Variants in CALN1 observed in about 807,000 individuals in gnomAD.
CALN1 encodes the protein calcium-binding protein 8.
A neutral mutation model predicts 30.6 loss-of-function variants in CALN1; 17 were observed. The ratio of observed to expected loss-of-function variants is 0.56; its 90% CI spans 0.38 to 0.83. The LOEUF is 0.83. Among genes scored for constraint, CALN1 ranks in the 40% least tolerant of loss-of-function variants. The pLI is 0.00. For missense variants in CALN1, 291 were observed against 354.9 expected (o/e 0.82, Z 1.45); for synonymous variants, 156 against 131.4 (o/e 1.19, Z -1.28).
intron 1 of CALN1, among the ~76,000 whole-genome samples, chr7:72,435,853 C>A (rs1808139763): frequency 6.6e-6 from 1 of 152,136 alleles, no homozygotes; most frequent in Admixed American, 6.5e-5. Context: ...TAATAACCTG[C>A]CAGAGACACA....
chr7:72,393,394 G>A (rs1294497324), intron 2 of CALN1, among the ~76,000 whole-genome samples: 1 of 152,154 alleles, frequency 6.6e-6, no homozygotes, highest in East Asian at 1.9e-4. Context: ...AACCTGGGAG[G>A]CAGAGCTTGC....
At chr7:72,074,692 G>A (rs567011665) in intron 4 of CALN1, among the ~76,000 whole-genome samples, 5 of 152,258 alleles carry the variant, frequency 3.3e-5, no homozygotes, top group East Asian at 1.9e-4. Flanking sequence ...ACAGGCTTAA[G>A]CCACTGCACC....
intron 2 of CALN1, among the ~76,000 whole-genome samples, chr7:72,305,090 T>A (rs1799559230): frequency 6.6e-6 from 1 of 152,114 alleles, no homozygotes; most frequent in Non-Finnish European, 1.5e-5. Flanking sequence ...AGAGCCTGGG[T>A]TGGAACCCTT....
chr7:72,397,198 A>G (rs1806019452), intron 2 of CALN1, among the ~76,000 whole-genome samples: 1 of 152,158 alleles, frequency 6.6e-6, no homozygotes. Context: ...ATCATAAGCC[A>G]TCATACTCAA....
chr7:71,791,958 C>A (rs1457643222), intron 6 of CALN1, among the ~76,000 whole-genome samples: 4 of 152,026 alleles, frequency 2.6e-5, no homozygotes, highest in Non-Finnish European at 4.4e-5. Flanking sequence ...TTGCAGTGAG[C>A]CGAGATCGCG....
chr7:72,084,089 G>A (rs895152435), intron 4 of CALN1, among the ~76,000 whole-genome samples: 5 of 151,928 alleles, frequency 3.3e-5, no homozygotes, highest in Admixed American at 2.6e-4. Flanking sequence ...TGCACCTGTA[G>A]TCCCAGCTAC....
intron 3 of CALN1, among the ~76,000 whole-genome samples, chr7:72,148,133 A>C (rs60518650): frequency 3.2e-3 from 468 of 144,300 alleles, no homozygotes; most frequent in South Asian, 5.9e-3. Context: ...AACCAACCAA[A>C]CAAACAAACA....
chr7:72,326,018 C>CA (rs1169095117), intron 2 of CALN1, among the ~76,000 whole-genome samples: 2 of 152,134 alleles, frequency 1.3e-5, no homozygotes, highest in East Asian at 1.9e-4. Flanking sequence ...TCTCCTGCCT[C>CA]AAGCCTTCTG....
intron 5 of CALN1, among the ~76,000 whole-genome samples, chr7:71,862,374 T>C (rs760934518): frequency 1.3e-5 from 2 of 152,200 alleles, no homozygotes; most frequent in African/African-American, 2.4e-5. Context: ...AACTGAATCA[T>C]GGAGGCAGGT....
intron 5 of CALN1, among the ~76,000 whole-genome samples, chr7:71,892,799 G>C (rs1408334978): frequency 2.6e-5 from 4 of 152,064 alleles, no homozygotes; most frequent in African/African-American, 4.8e-5. Flanking sequence ...TTCACATTTT[G>C]TATGTTCTGA....
At chr7:72,447,355 A>G (rs1226282342), upstream of CALN1, among the ~76,000 whole-genome samples, 1 of 152,052 alleles carries the variant, frequency 6.6e-6, no homozygotes, top group Non-Finnish European at 1.5e-5. Flanking sequence ...GAAGGTGGAA[A>G]AGTGCCCCCA....
At chr7:72,368,396 C>T (rs207468078) in intron 2 of CALN1, among the ~76,000 whole-genome samples, 1 of 151,504 alleles carries the variant, frequency 6.6e-6, no homozygotes, top group Non-Finnish European at 1.5e-5. Flanking sequence ...GGAAGGATGT[C>T]GGCAGAAATA....
chr7:72,038,127 T>A (rs1801912857), intron 4 of CALN1, among the ~76,000 whole-genome samples: 1 of 152,024 alleles, frequency 6.6e-6, no homozygotes, highest in Admixed American at 6.5e-5. Flanking sequence ...AGAACACACG[T>A]CCCTGATATT....
chr7:72,324,560 A>T (rs1322809560), intron 2 of CALN1, among the ~76,000 whole-genome samples: 6 of 73,930 alleles, frequency 8.1e-5, no homozygotes, highest in African/African-American at 1.3e-4. Context: ...AAATGATGTA[A>T]TTTATTTATT....
chr7:72,385,626 C>G (rs889254447), intron 2 of CALN1, among the ~76,000 whole-genome samples: 2 of 152,140 alleles, frequency 1.3e-5, no homozygotes, highest in African/African-American at 4.8e-5. Context: ...CCACCCAATG[C>G]TCATCTGGAA....
intron 2 of CALN1, among the ~76,000 whole-genome samples, chr7:72,364,647 G>A (rs78469674): frequency 0.088 from 13,346 of 152,076 alleles, 1,074 homozygotes; most frequent in East Asian, 0.36. Context: ...AGATCCTCAG[G>A]AATTCTGAAT....
intron 2 of CALN1, among the ~76,000 whole-genome samples, chr7:72,356,005 G>A (rs1803198481): frequency 6.6e-6 from 1 of 152,162 alleles, no homozygotes; most frequent in Non-Finnish European, 1.5e-5. Flanking sequence ...ACAAAAGGAA[G>A]ATAAATGTTT....
At chr7:71,934,753 G>C (rs759036648) in intron 5 of CALN1, among the ~76,000 whole-genome samples, 3 of 152,134 alleles carry the variant, frequency 2.0e-5, no homozygotes, top group Admixed American at 6.5e-5. Context: ...CCAAGGCTGG[G>C]TAATTTATAA....
At chr7:72,430,091 G>T (rs1323977650) in intron 1 of CALN1, among the ~76,000 whole-genome samples, 5 of 151,016 alleles carry the variant, frequency 3.3e-5, no homozygotes, top group Non-Finnish European at 5.9e-5. Flanking sequence ...AAAGTGCTGG[G>T]ATTACAGGTG....
Sources: allele counts gnomAD v4.1 joint callset (sites outside exome capture counted in the v4.1 genomes callset), GRCh38; gene constraint gnomAD v4.1.1; transcripts MANE v1.5; gene names NCBI Gene and HGNC (gene_info 2026-07-23, HGNC 2026-07-21).